COL13A1: variants seen among roughly 807,000 people sequenced by gnomAD.
COL13A1 encodes collagen alpha-1(XIII) chain.
COL13A1 carries 89 observed loss-of-function variants against 130.9 expected under a neutral mutation model. The ratio of observed to expected loss-of-function variants is 0.68; its 90% CI spans 0.57 to 0.81. The LOEUF is 0.81. COL13A1 is among the 30% of genes least tolerant of loss of function. The pLI, the probability that COL13A1 is intolerant of heterozygous loss-of-function variation, is 0.00. For synonymous variants in COL13A1, 402 were observed against 341.6 expected (o/e 1.18, Z -1.95); for missense variants, 879 against 934.6 (o/e 0.94, Z 0.78).
At chr10:69,833,501 A>C (rs1227763) in intron 2 of COL13A1, among the ~76,000 whole-genome samples, 29,387 of 152,086 alleles carry the variant, frequency 0.19, 2,951 homozygotes, top group East Asian at 0.25. Flanking sequence ...CAAGGTGATC[A>C]GGCAAAGTTC....
chr10:69,824,018 A>C (rs1401231706), intron 2 of COL13A1: 1 of 458,778 alleles, frequency 2.2e-6, no homozygotes, highest in Non-Finnish European at 4.5e-6. Context: ...TGCTCAGCGT[A>C]TAGAATGCTG....
intron 2 of COL13A1, among the ~76,000 whole-genome samples, chr10:69,832,635 G>C (rs1464957521): frequency 6.6e-6 from 1 of 152,180 alleles, no homozygotes; most frequent in Non-Finnish European, 1.5e-5. Context: ...GCTGTGGACA[G>C]GGCAGGGGAA....
At chr10:69,932,454 C>T (rs943451840) in intron 30 of COL13A1, 106 bp from the exon 31 acceptor site, 5 of 766,318 alleles carry the variant, frequency 6.5e-6, no homozygotes, top group Non-Finnish European at 1.1e-5. Context: ...CTTGTTGACC[C>T]CTAGACCAGT....
chr10:69,847,324 A>C (rs1225419873), intron 2 of COL13A1, among the ~76,000 whole-genome samples: 1 of 152,222 alleles, frequency 6.6e-6, no homozygotes, highest in Non-Finnish European at 1.5e-5. Context: ...GTTGACCGCC[A>C]TACCATTCTG....
At chr10:69,909,420 G>A (rs2063130859) in intron 17 of COL13A1, among the ~76,000 whole-genome samples, 1 of 152,230 alleles carries the variant, frequency 6.6e-6, no homozygotes, top group Non-Finnish European at 1.5e-5. Context: ...GGTTCCCATT[G>A]CTTCCACTGC....
At chr10:69,835,602 T>C (rs1234623444) in intron 2 of COL13A1, among the ~76,000 whole-genome samples, 1 of 152,190 alleles carries the variant, frequency 6.6e-6, no homozygotes, top group East Asian at 1.9e-4. Flanking sequence ...CACTGCCCTA[T>C]TCTCCTGATG....
chr10:69,895,681 G>A (rs1014623780), intron 13 of COL13A1, 105 bp downstream of exon 13: 3 of 1,285,440 alleles, frequency 2.3e-6, no homozygotes, highest in African/African-American at 1.5e-5. Flanking sequence ...AACAGATCAT[G>A]GGGGAGCAGG....
At position 69,882,232 on chromosome 10, in the gene COL13A1, G is replaced by A. The variant is rs1171010294; in HGVS notation, c.513+1679G>A. ...GGCCCTACCCTATGCTGCCATCTCCGTCTGCCTTCTGGTCTGGCTACTGAT... is the reference window on the plus strand; with the variant it reads ...GGCCCTACCCTATGCTGCCATCTCCATCTGCCTTCTGGTCTGGCTACTGAT... On this transcript the variant is annotated intron_variant, in intron 7 of 40. Transcript: ENST00000645393. Among the ~76,000 whole-genome samples, 4 of 152,210 alleles carry A rather than the reference G, an allele frequency of 2.6e-5. No homozygotes were observed. The South Asian group carries it at 6.2e-4, about 24-fold the overall frequency.
At chr10:69,903,896 C>G (rs771159455) in intron 15 of COL13A1, among the ~76,000 whole-genome samples, 24 of 152,122 alleles carry the variant, frequency 1.6e-4, no homozygotes, top group Non-Finnish European at 3.2e-4. Flanking sequence ...ATGTCTGGGC[C>G]CCTTGGCTGC....
At chr10:69,888,283 A>G (rs189294759) in intron 8 of COL13A1, 21 bp from the exon 9 acceptor site, 1 of 1,612,600 alleles carries the variant, frequency 6.2e-7, no homozygotes, top group South Asian at 1.1e-5. Context: ...CAGTCTTTAC[A>G]TCTGGCCTTT....
intron 12 of COL13A1, among the ~76,000 whole-genome samples, 188 bp from the exon 13 acceptor site, chr10:69,895,362 C>T (rs1293893071): frequency 6.6e-6 from 1 of 152,200 alleles, no homozygotes; most frequent in African/African-American, 2.4e-5. Context: ...AAGTTTCTTC[C>T]CTGCTGCTAG....
intron 27 of COL13A1, among the ~76,000 whole-genome samples, chr10:69,928,117 A>T (rs143698873): frequency 0.031 from 4,742 of 152,214 alleles, 243 homozygotes; most frequent in African/African-American, 0.11. Flanking sequence ...GCACCACTGC[A>T]CTCCAGCCTG....
chr10:69,844,136 G>A (rs1363238337), intron 2 of COL13A1, among the ~76,000 whole-genome samples: 1 of 152,216 alleles, frequency 6.6e-6, no homozygotes, highest in Non-Finnish European at 1.5e-5. Flanking sequence ...GGAGGTGTAG[G>A]ATTTGAGTCG....
chr10:69,918,123 C>T (rs1162402880), intron 18 of COL13A1, among the ~76,000 whole-genome samples, 162 bp from the exon 19 acceptor site: 1 of 152,206 alleles, frequency 6.6e-6, no homozygotes, highest in Non-Finnish European at 1.5e-5. Context: ...GGCGTCAGCT[C>T]AGCGCCCCCA....
intron 15 of COL13A1, 51 bp downstream of exon 15, chr10:69,902,906 GA>G: frequency 2.1e-6 from 3 of 1,403,218 alleles, no homozygotes; most frequent in Non-Finnish European, 2.9e-6. Context: ...GAACTCTCTG[GA>G]AACCTCCAAA....
chr10:69,927,093 C>T lies in COL13A1; in HGVS notation c.1405C>T (p.Arg469Trp), dbSNP rs752335051. The T allele has an allele frequency of 5.6e-6, 9 of 1,613,686 alleles. No individual in the cohort carries two copies. Among genetic ancestry groups the T allele is most frequent in the East Asian group, 2.2e-5 (1 of 44,878 alleles). Residue 469 changes from arginine (R) to tryptophan (W), a missense_variant, in exon 27 of 41, where the codon CGG becomes TGG. Arg to Trp is a moderately radical substitution (Grantham distance 101). Transcript: ENST00000645393. ...GNINEALQEIRTLALMGPPGL... is the reference protein window; with the variant it reads ...GNINEALQEIWTLALMGPPGL... Reference sequence around the variant, plus strand: ...CCTGGTGTTGGTTTTTTAGGAGATCCGGACGCTGGCCTTGATGGTAAGTTT... The same window carrying T: ...CCTGGTGTTGGTTTTTTAGGAGATCTGGACGCTGGCCTTGATGGTAAGTTT...
intron 7 of COL13A1, 143 bp downstream of exon 7, chr10:69,880,696 C>A: frequency 1.2e-6 from 1 of 824,786 alleles, no homozygotes; most frequent in Non-Finnish European, 1.9e-6. Context: ...GTCAGCCCAG[C>A]CAGGCCTCGG....
At chr10:69,869,661 C>T (rs2058865409) in intron 3 of COL13A1, among the ~76,000 whole-genome samples, 2 of 152,214 alleles carry the variant, frequency 1.3e-5, no homozygotes, top group South Asian at 4.1e-4. Flanking sequence ...CATCATGCCC[C>T]TGGCAGACAT....
At chr10:69,865,958 C>T (rs986204992) in intron 2 of COL13A1, among the ~76,000 whole-genome samples, 1 of 152,226 alleles carries the variant, frequency 6.6e-6, no homozygotes, top group Non-Finnish European at 1.5e-5. Flanking sequence ...TTTCTTCATC[C>T]GCAAGGCGGG....
Sources: allele counts gnomAD v4.1 joint callset (sites outside exome capture counted in the v4.1 genomes callset), GRCh38; gene constraint gnomAD v4.1.1; transcripts MANE v1.5; gene names NCBI Gene and HGNC (gene_info 2026-07-23, HGNC 2026-07-21).